The following COL4A1 variants were observed in gnomAD, a reference collection of about 807,000 sequenced individuals.
COL4A1 encodes collagen type IV alpha 1 chain, also known as collagen alpha-1(IV) chain.
COL4A1 carries 40 observed loss-of-function variants against 216.6 expected under a neutral mutation model. The observed-to-expected ratio is 0.18, with a 90% CI of 0.14 to 0.24. The LOEUF (loss-of-function observed/expected upper bound fraction) is 0.24. Ranked by LOEUF, COL4A1 falls within the 10% of genes least tolerant of loss-of-function variation. The pLI is 1.00. For synonymous variants in COL4A1, 839 were observed against 810.7 expected (o/e 1.03, Z -0.59); for missense variants, 1,628 against 2,196.8 (o/e 0.74, Z 5.18).
chr13:110,195,215 T>C, intron 21 of COL4A1, 97 bp from the exon 22 acceptor site: 1 of 966,442 alleles, frequency 1.0e-6, no homozygotes, highest in Non-Finnish European at 1.7e-6. Flanking sequence ...TTTAGGCTAT[T>C]TGACAAGTGT....
At chr13:110,282,942 C>T (rs1883693936) in intron 1 of COL4A1, among the ~76,000 whole-genome samples, 1 of 152,230 alleles carries the variant, frequency 6.6e-6, no homozygotes, top group Non-Finnish European at 1.5e-5. Flanking sequence ...TGCATGTCTC[C>T]ACATTTCAAA....
At chr13:110,250,039 A>G (rs886078034) in intron 1 of COL4A1, among the ~76,000 whole-genome samples, 1 of 152,166 alleles carries the variant, frequency 6.6e-6, no homozygotes, top group African/African-American at 2.4e-5. Flanking sequence ...GAAAATAATT[A>G]TTCATCATTA....
chr13:110,179,719 T>C (rs1878062518), intron 29 of COL4A1, among the ~76,000 whole-genome samples: 1 of 152,178 alleles, frequency 6.6e-6, no homozygotes, highest in Non-Finnish European at 1.5e-5. Flanking sequence ...GCTTGTCCCC[T>C]CAACTCTGCA....
chr13:110,218,938 G>A (rs1880234782), intron 2 of COL4A1, among the ~76,000 whole-genome samples: 1 of 152,242 alleles, frequency 6.6e-6, no homozygotes, highest in South Asian at 2.1e-4. Flanking sequence ...GTCACAGTCA[G>A]TGGGTGACTG....
intron 1 of COL4A1, among the ~76,000 whole-genome samples, chr13:110,274,234 T>C (rs1883354370): frequency 6.6e-6 from 1 of 152,262 alleles, no homozygotes; most frequent in Middle Eastern, 3.4e-3. Context: ...TAGAAGTCCA[T>C]GGTTTTCTTC....
Position 110,163,481 on chromosome 13 carries a change from C to T in COL4A1, c.4231G>A (p.Gly1411Arg). 1 of 1,614,102 alleles carries T rather than the reference C, an allele frequency of 6.2e-7. No individual in the cohort carries two copies. ...AACCTACCAGTAGGCCCGGCAGGTC[C>T]CATCTCTCCTTTCTGGCCAGGGGCA... The part of the protein sequence containing the change: ...DGAPGQKGEM[G>R]PAGPTGPRGF... The change falls in exon 47 of 52, where the codon GGA becomes AGA. Residue 1411 changes from glycine (G) to arginine (R), a missense_variant. This residue lies in a region of COL4A1 where 345 missense variants were observed against 476.9 expected (regional missense o/e 0.72). Transcript: ENST00000375820.
chr13:110,160,161 G>GCAGGGATGATTCAGAAAACAAT (rs1456151966), intron 49 of COL4A1, among the ~76,000 whole-genome samples: 3 of 149,580 alleles, frequency 2.0e-5, no homozygotes, highest in African/African-American at 2.5e-5. Flanking sequence ...ATTCATAGGG[G>GCAGGGATGATTCAGAAAACAAT]GCCGGGCGCG....
chr13:110,271,227 C>T (rs180988027), intron 1 of COL4A1, among the ~76,000 whole-genome samples: 2 of 152,328 alleles, frequency 1.3e-5, no homozygotes, highest in South Asian at 2.1e-4. Flanking sequence ...AACCACTGAA[C>T]GTTGCAGCAA....
At chr13:110,265,392 C>A (rs1318703938) in intron 1 of COL4A1, 1 of 152,270 alleles carries the variant, frequency 6.6e-6, no homozygotes, top group Non-Finnish European at 1.5e-5. Context: ...AAGTCTCACA[C>A]AGTGTTGAGC....
intron 2 of COL4A1, among the ~76,000 whole-genome samples, chr13:110,216,069 T>A (rs1015485096): frequency 1.3e-5 from 2 of 152,164 alleles, no homozygotes; most frequent in African/African-American, 4.8e-5. Context: ...TTAAAGAACC[T>A]CAAGCCCCAT....
At chr13:110,259,734 C>CA (rs897002621) in intron 1 of COL4A1, among the ~76,000 whole-genome samples, 3 of 152,200 alleles carry the variant, frequency 2.0e-5, no homozygotes, top group Non-Finnish European at 2.9e-5. Context: ...ATAGGTCAGT[C>CA]AACCTAATTT....
intron 6 of COL4A1, 149 bp from the exon 7 acceptor site, chr13:110,212,071 C>A: frequency 1.2e-6 from 1 of 857,522 alleles, no homozygotes; most frequent in Non-Finnish European, 2.0e-6. Flanking sequence ...CTACTGGGTA[C>A]CACTTTATGA....
rs923422838 is a variant in COL4A1, at chr13:110,240,301, G to C, written c.144+2374C>G. ...CAGGTCAGGCCAAAAAAGTCCTGGA[G>C]GTGCTGGGCTCCCTGGCCTAGGTCC... On this transcript the variant is annotated intron_variant, in intron 2 of 51. Coordinates refer to ENST00000375820, the MANE Select transcript of COL4A1 (RefSeq NM_001845.6). Among the ~76,000 whole-genome samples the C allele has an allele frequency of 1.3e-5, 2 of 152,224 alleles. 1 individual carries two copies. Among genetic ancestry groups the C allele is most frequent in the South Asian group, 4.1e-4 (2 of 4,834 alleles).
intron 1 of COL4A1, among the ~76,000 whole-genome samples, chr13:110,261,702 G>A (rs569087466): frequency 2.2e-4 from 33 of 152,344 alleles, no homozygotes; most frequent in Admixed American, 1.8e-3. Flanking sequence ...AGCTGAGGGC[G>A]CTTCCTGTGA....
intron 2 of COL4A1, among the ~76,000 whole-genome samples, chr13:110,223,815 A>G (rs888232840): frequency 1.3e-5 from 2 of 152,178 alleles, no homozygotes; most frequent in African/African-American, 4.8e-5. Context: ...GTGACACCCC[A>G]AGGATGGCAG....
At chr13:110,266,476 G>A (rs1432016618) in intron 1 of COL4A1, among the ~76,000 whole-genome samples, 1 of 152,164 alleles carries the variant, frequency 6.6e-6, no homozygotes, top group Admixed American at 6.5e-5. Context: ...CTGGATGGGG[G>A]TAAGAAAACC....
intron 22 of COL4A1, among the ~76,000 whole-genome samples, chr13:110,193,620 A>C (rs73611451): frequency 0.021 from 3,212 of 152,354 alleles, 87 homozygotes; most frequent in African/African-American, 0.068. Flanking sequence ...TGCCAGGGAC[A>C]TCGAGGCGGC....
At chr13:110,203,010 C>T (rs1231044457) in intron 18 of COL4A1, among the ~76,000 whole-genome samples, 2 of 152,038 alleles carry the variant, frequency 1.3e-5, no homozygotes, top group Non-Finnish European at 2.9e-5. Context: ...ATCAGGAGTT[C>T]GAGACCAGCT....
intron 24 of COL4A1, 28 bp from the exon 25 acceptor site, chr13:110,187,357 A>G: frequency 6.2e-7 from 1 of 1,611,250 alleles, no homozygotes. Context: ...TGTGATCCAC[A>G]GAAGAACCCA....
Sources: allele counts gnomAD v4.1 joint callset (sites outside exome capture counted in the v4.1 genomes callset), GRCh38; gene constraint gnomAD v4.1.1; regional missense constraint gnomAD v4.1.1; transcripts MANE v1.5; gene names NCBI Gene and HGNC (gene_info 2026-07-23, HGNC 2026-07-21).